SLCO1A2: variants seen among roughly 807,000 people sequenced by gnomAD.
SLCO1A2 encodes the protein solute carrier organic anion transporter family member 1A2.
In SLCO1A2, 67 loss-of-function variants were observed where a neutral mutation model predicts 69.0. The ratio of observed to expected loss-of-function variants is 0.97; its 90% confidence interval spans 0.80 to 1.19. The LOEUF is 1.19. SLCO1A2 is among the 50% of genes most tolerant of loss of function. SLCO1A2 has a pLI of 0.00. For synonymous variants in SLCO1A2, 260 were observed against 265.9 expected (o/e 0.98, Z 0.22); for missense variants, 787 against 793.7 (o/e 0.99, Z 0.10).
intron 1 of SLCO1A2, among the ~76,000 whole-genome samples, chr12:21,413,135 T>C (rs1440390074): frequency 6.6e-6 from 1 of 152,136 alleles, no homozygotes; most frequent in Admixed American, 6.5e-5. Context: ...CACATATTCC[T>C]TTCTTCCTAT....
chr12:21,288,006 T>G (rs1591795183), intron 12 of SLCO1A2, among the ~76,000 whole-genome samples: 1 of 102,106 alleles, frequency 9.8e-6, no homozygotes, highest in South Asian at 3.5e-4. Flanking sequence ...AAACTTAAAG[T>G]ATAATAAAAA....
chr12:21,270,923 C>A (rs1591767013), intron 14 of SLCO1A2, among the ~76,000 whole-genome samples: 1 of 151,610 alleles, frequency 6.6e-6, no homozygotes, highest in African/African-American at 2.4e-5. Flanking sequence ...TAGCTCTTTA[C>A]TTTCTTATTC....
At chr12:21,325,352 C>A (rs754572118) in intron 2 of SLCO1A2, among the ~76,000 whole-genome samples, 1 of 152,308 alleles carries the variant, frequency 6.6e-6, no homozygotes, top group Middle Eastern at 3.4e-3. Context: ...GCTGTTTAGA[C>A]ATCTCAAATT....
chr12:21,312,001 G>C (rs2136640324), intron 4 of SLCO1A2, among the ~76,000 whole-genome samples: 1 of 151,052 alleles, frequency 6.6e-6, no homozygotes, highest in East Asian at 2.0e-4. Flanking sequence ...AGGAGGAGGA[G>C]GAGAAGAAGA....
chr12:21,354,522 C>A (rs762276863), intron 2 of SLCO1A2, among the ~76,000 whole-genome samples: 2 of 151,980 alleles, frequency 1.3e-5, no homozygotes, highest in Non-Finnish European at 2.9e-5. Context: ...AAAAAAAAAT[C>A]AATTTTTTCC....
chr12:21,371,523 TCAAA>T (rs766280527), intron 2 of SLCO1A2, among the ~76,000 whole-genome samples: 30 of 152,164 alleles, frequency 2.0e-4, no homozygotes, highest in Non-Finnish European at 4.0e-4. Flanking sequence ...CCAAACACCT[TCAAA>T]CAATGTTACA....
chr12:21,372,182 T>C (rs1475781150), intron 2 of SLCO1A2, among the ~76,000 whole-genome samples: 1 of 152,186 alleles, frequency 6.6e-6, no homozygotes, highest in Non-Finnish European at 1.5e-5. Flanking sequence ...TTCAAAATAA[T>C]TGTAAAATTT....
At chr12:21,339,546 A>C (rs994435426), upstream of SLCO1A2, among the ~76,000 whole-genome samples, 1 of 151,954 alleles carries the variant, frequency 6.6e-6, no homozygotes, top group African/African-American at 2.4e-5. Context: ...TGATAGGAAA[A>C]TAGAACTCAT....
chr12:21,400,743 T>C (rs1185562126), intron 1 of SLCO1A2, among the ~76,000 whole-genome samples: 1 of 148,452 alleles, frequency 6.7e-6, no homozygotes, highest in African/African-American at 2.5e-5. Flanking sequence ...TGGATGAAAT[T>C]GGAAATCATC....
intron 1 of SLCO1A2, among the ~76,000 whole-genome samples, chr12:21,415,613 G>T (rs1941976591): frequency 6.6e-6 from 1 of 151,886 alleles, no homozygotes; most frequent in Non-Finnish European, 1.5e-5. Flanking sequence ...ATTTATTGTG[G>T]ACCCCAGTGT....
At chr12:21,386,950 C>T (rs1413044386) in intron 1 of SLCO1A2, among the ~76,000 whole-genome samples, 1 of 152,052 alleles carries the variant, frequency 6.6e-6, no homozygotes, top group Non-Finnish European at 1.5e-5. Flanking sequence ...TTGATCAAAA[C>T]ACCGATAGTG....
At chr12:21,370,473 T>TC (rs1196404018) in intron 2 of SLCO1A2, among the ~76,000 whole-genome samples, 3 of 94,116 alleles carry the variant, frequency 3.2e-5, no homozygotes, top group Non-Finnish European at 6.1e-5. Context: ...ATGCTATCCC[T>TC]CCCCCCTCCC....
At position 21,314,570 on chromosome 12, in the gene SLCO1A2, A is replaced by T. The variant is rs1950635085; in HGVS notation, c.314T>A (p.Leu105Gln). 1.2e-6 allele frequency: 2 copies of T among 1,614,024 alleles called. No homozygotes were observed. Among genetic ancestry groups the T allele is most frequent in the African/African-American group, 2.7e-5 (2 of 74,950 alleles). Residue 105 changes from leucine (L) to glutamine (Q), a missense_variant, in exon 4 of 15, where the codon CTA (leucine) becomes CAA (glutamine). By Grantham distance (113) the Leu-to-Gln change is moderately radical. Transcript: ENST00000683939. ...VMGLGCFLKS[L>Q]PHFLMNQYEY... ...TTACTGGTTCATGAGGAAATGAGGT[A>T]GTGATTTTAAGAAACAGCCTAAGCC... is the stretch of plus-strand genomic sequence containing the variant.
intron 3 of SLCO1A2, among the ~76,000 whole-genome samples, 186 bp from the exon 4 acceptor site, chr12:21,314,867 T>C (rs1950680733): frequency 6.6e-6 from 1 of 152,152 alleles, no homozygotes; most frequent in South Asian, 2.1e-4. Context: ...AAGGGTTCTG[T>C]TTTGCAATGT....
intron 2 of SLCO1A2, among the ~76,000 whole-genome samples, chr12:21,346,727 A>G (rs935268180): frequency 1.3e-5 from 2 of 152,218 alleles, no homozygotes; most frequent in East Asian, 1.9e-4. Context: ...ATTTGCAGAC[A>G]TAACTGAGAC....
chr12:21,334,550 T>G, intron 2 of SLCO1A2, 38 bp downstream of exon 2: 2 of 1,466,810 alleles, frequency 1.4e-6, no homozygotes, highest in Non-Finnish European at 1.9e-6. Flanking sequence ...TAAAAACTAG[T>G]GTACATGCAC....
intron 2 of SLCO1A2, 84 bp downstream of exon 2, chr12:21,334,504 G>A (rs1379401386): frequency 2.4e-5 from 22 of 935,478 alleles, no homozygotes; most frequent in East Asian, 4.9e-5. Flanking sequence ...ATCACTTCAT[G>A]CAGATAGGAG....
At chr12:21,286,948 G>A (rs1205181332) in intron 12 of SLCO1A2, among the ~76,000 whole-genome samples, 1 of 147,774 alleles carries the variant, frequency 6.8e-6, no homozygotes, top group African/African-American at 2.5e-5. Flanking sequence ...ACATAGGTGT[G>A]GGCAAGGACT....
chr12:21,364,166 G>A (rs181717118), intron 2 of SLCO1A2, among the ~76,000 whole-genome samples: 70 of 152,182 alleles, frequency 4.6e-4, no homozygotes, highest in Non-Finnish European at 2.1e-4. Flanking sequence ...CTGGCAAACC[G>A]AATCCAGCAA....
Sources: gnomAD v4.1 joint callset for allele counts (sites outside exome capture counted in the v4.1 genomes callset) on GRCh38, gnomAD v4.1.1 for gene constraint, MANE v1.5 for transcripts, NCBI Gene and HGNC (gene_info 2026-07-23, HGNC 2026-07-21) for gene names.